GGACT: variants seen among roughly 807,000 people sequenced by gnomAD.
The protein encoded by GGACT is gamma-glutamylaminecyclotransferase.
For synonymous variants in GGACT, 118 were observed against 115.3 expected (o/e 1.02, Z -0.15); for missense variants, 241 against 233.2 (o/e 1.03, Z -0.22).
chr13:100,588,678 G>A (rs569459697), intron 1 of GGACT, 63 bp downstream of exon 1: 1 of 151,630 alleles, frequency 6.6e-6, no homozygotes. Flanking sequence ...CGGGCGCCAG[G>A]ACACCCCGCC....
At chr13:100,559,085 A>G (rs1244512240) in intron 2 of GGACT, among the ~76,000 whole-genome samples, 2 of 152,212 alleles carry the variant, frequency 1.3e-5, no homozygotes, top group Non-Finnish European at 2.9e-5. Context: ...ACGGTGATCC[A>G]TTTTATGAGT....
At chr13:100,587,890 A>T (rs1875629458) in intron 1 of GGACT, among the ~76,000 whole-genome samples, 1 of 152,122 alleles carries the variant, frequency 6.6e-6, no homozygotes, top group Non-Finnish European at 1.5e-5. Flanking sequence ...GCTGGGCGTG[A>T]TAGCAGGCGC....
rs2153013438 is a variant in GGACT at position 100,545,301 on chromosome 13, C to T, written c.-10-12700G>A. ...GAGGCCGCTTCACTCCCAGCTTCTC[C>T]CCCCTTTTGCAGATGGGGAAGCTGG... On this transcript the variant is annotated intron_variant, in intron 2 of 2. Coordinates refer to ENST00000683975, the MANE Select transcript of GGACT (RefSeq NM_001195087.2). The surrounding 1 kb of genome is among the most constrained non-coding windows in gnomAD (Gnocchi z 4.4). 6.6e-6 allele frequency among the ~76,000 whole-genome samples: 1 copy of T among 152,358 alleles called. No individual in the cohort carries two copies. Among genetic ancestry groups the T allele is most frequent in the Non-Finnish European group, 1.5e-5 (1 of 68,022 alleles).
At chr13:100,578,307 T>A (rs1197497532) in intron 2 of GGACT, among the ~76,000 whole-genome samples, 1 of 152,210 alleles carries the variant, frequency 6.6e-6, no homozygotes, top group Non-Finnish European at 1.5e-5. Context: ...TTATTCTACA[T>A]AATGAAAACA....
chr13:100,537,105 T>C (rs576132022), intron 2 of GGACT: 1 of 152,432 alleles, frequency 6.6e-6, no homozygotes, highest in South Asian at 2.1e-4. Flanking sequence ...CAGAAGCGTG[T>C]CGCCCGCTTT....
At chr13:100,547,503 G>A (rs886326772) in intron 2 of GGACT, among the ~76,000 whole-genome samples, 13 of 152,194 alleles carry the variant, frequency 8.5e-5, no homozygotes, top group African/African-American at 3.1e-4. Flanking sequence ...ATGAGCTCAC[G>A]GGAGGCAGGC....
chr13:100,538,327 A>G (rs1408898411), intron 2 of GGACT: 1 of 152,146 alleles, frequency 6.6e-6, no homozygotes, highest in African/African-American at 2.4e-5. Context: ...TGGTTTGCAA[A>G]GCACCCTACA....
chr13:100,540,596 T>G (rs2088543841), intron 2 of GGACT, among the ~76,000 whole-genome samples: 1 of 152,268 alleles, frequency 6.6e-6, no homozygotes, highest in Admixed American at 6.5e-5. Flanking sequence ...TGATTTTCTC[T>G]GTTGTTTAAA....
chr13:100,551,371 C>T (rs999906019), intron 2 of GGACT, among the ~76,000 whole-genome samples: 1 of 152,136 alleles, frequency 6.6e-6, no homozygotes, highest in Non-Finnish European at 1.5e-5. Context: ...GCTGTCCAAG[C>T]CAAGAAAACC....
intron 2 of GGACT, among the ~76,000 whole-genome samples, chr13:100,550,839 A>G (rs1036949215): frequency 1.3e-5 from 2 of 152,090 alleles, no homozygotes; most frequent in Non-Finnish European, 2.9e-5. Context: ...TTCTCCCCAA[A>G]TTTACAGTGT....
intron 2 of GGACT, among the ~76,000 whole-genome samples, chr13:100,577,261 C>CTAAAAATAT (rs2153016841): frequency 6.6e-6 from 1 of 151,954 alleles, no homozygotes; most frequent in South Asian, 2.1e-4. Context: ...ACTATAAATA[C>CTAAAAATAT]AAAAATTAGC....
At chr13:100,543,246 C>T (rs1260118589) in intron 2 of GGACT, among the ~76,000 whole-genome samples, 1 of 113,646 alleles carries the variant, frequency 8.8e-6, no homozygotes, top group Non-Finnish European at 1.6e-5. Flanking sequence ...GTCGCTCTGT[C>T]ACCCAGGCTG....
At chr13:100,538,412 T>G (rs2088518721) in intron 2 of GGACT, 2 of 152,250 alleles carry the variant, frequency 1.3e-5, no homozygotes, top group Non-Finnish European at 2.9e-5. Flanking sequence ...TATTTCCTGT[T>G]TTTTAATTTG....
chr13:100,557,634 A>T (rs998950715), intron 2 of GGACT, among the ~76,000 whole-genome samples: 1 of 152,218 alleles, frequency 6.6e-6, no homozygotes, highest in African/African-American at 2.4e-5. Flanking sequence ...CTCAAAATGT[A>T]TCCAAATATA....
intron 2 of GGACT, among the ~76,000 whole-genome samples, chr13:100,567,224 C>T (rs928389253): frequency 6.6e-6 from 1 of 152,224 alleles, no homozygotes; most frequent in African/African-American, 2.4e-5. Flanking sequence ...TATAGTTAAG[C>T]ATTTTATGAA....
chr13:100,541,102 A>T (rs749714674), intron 2 of GGACT, among the ~76,000 whole-genome samples: 2 of 152,250 alleles, frequency 1.3e-5, no homozygotes, highest in Non-Finnish European at 2.9e-5. Flanking sequence ...GCTGTAGGCA[A>T]GCCATCTGAG....
rs1367205361 is a variant in GGACT at position 100,530,560 on chromosome 13, C to A, written c.*1570G>T. On this transcript the variant is annotated 3_prime_UTR_variant, in exon 3 of 3. Coordinates refer to ENST00000683975, the MANE Select transcript of GGACT (RefSeq NM_001195087.2). ...GATATAAATGTCAGTCAGTTCTCTG[C>A]CTTGCTTTATTAAATTAGCACTTGC... is the stretch of plus-strand genomic sequence containing the variant. The A allele has an allele frequency of 3.2e-6, 1 of 311,148 alleles. No homozygotes were observed. Among genetic ancestry groups the A allele is most frequent in the Non-Finnish European group, 6.1e-6 (1 of 163,504 alleles). 19.3% of individuals were successfully genotyped at this position (311,148 alleles called of 1,614,324 possible). A position where few individuals can be genotyped will look rare whatever the true frequency, so the allele number is the denominator to read the frequency against.
chr13:100,556,254 G>C (rs1227030421), intron 2 of GGACT, among the ~76,000 whole-genome samples: 1 of 152,154 alleles, frequency 6.6e-6, no homozygotes, highest in Non-Finnish European at 1.5e-5. Context: ...AAGGTTACTA[G>C]AACTAATGAG....
chr13:100,550,091 C>T (rs1001578929), intron 2 of GGACT, among the ~76,000 whole-genome samples: 2 of 152,064 alleles, frequency 1.3e-5, no homozygotes, highest in African/African-American at 4.8e-5. Flanking sequence ...TGTCCCTGAG[C>T]GAGCTTCTAC....
Sources: gnomAD v4.1 joint callset for allele counts (sites outside exome capture counted in the v4.1 genomes callset) on GRCh38, gnomAD v4.1.1 for gene constraint, Gnocchi (gnomAD v3.1) non-coding constraint, MANE v1.5 for transcripts, NCBI Gene and HGNC (gene_info 2026-07-23, HGNC 2026-07-21) for gene names.